Variants in NIT2 observed in about 807,000 individuals in gnomAD.
NIT2 encodes nitrilase family member 2, also known as omega-amidase NIT2.
Under a neutral mutation model 42.7 loss-of-function variants are expected in NIT2, and 46 were observed. The ratio of observed to expected loss-of-function variants is 1.08; its 90% confidence interval spans 0.85 to 1.38. The LOEUF (loss-of-function observed/expected upper bound fraction) is 1.38. NIT2 is among the 40% of genes most tolerant of loss of function. The pLI, the probability that NIT2 is intolerant of heterozygous loss-of-function variation, is 0.00. For synonymous variants in NIT2, 123 were observed against 121.9 expected, an observed-to-expected ratio of 1.01 and a Z score of -0.06; for missense variants, 309 against 342.5, an observed-to-expected ratio of 0.90 and a Z score of 0.77.
chr3:100,347,721 G>C (rs1706231519), intron 6 of NIT2, among the ~76,000 whole-genome samples: 1 of 152,168 alleles, frequency 6.6e-6, no homozygotes, highest in Non-Finnish European at 1.5e-5. Context: ...CTTGACCCCA[G>C]CCAGTGTCCA....
rs775356114 is a variant in NIT2, at chr3:100,348,868, C to T, written c.571C>T (p.Leu191Phe). 1.2e-6 allele frequency: 2 copies of T among 1,613,912 alleles called. No homozygotes were observed. The highest frequency in any genetic ancestry group is 3.3e-5 in the Admixed American group (2 of 60,024). Reference protein sequence around the residue: ...LTTGPAHWELLQRSRAVDNQV... With the variant: ...LTTGPAHWELFQRSRAVDNQV... ...CACTGGACCAGCCCATTGGGAGTTA[C>T]TTCAGCGAAGCCGGTAAGAAAGGAA... is the stretch of plus-strand genomic sequence containing the variant. The change falls in exon 7 of 10, where the codon CTT becomes TTT. Residue 191 changes from leucine (L) to phenylalanine (F), a missense_variant. Leu to Phe is a conservative substitution (Grantham distance 22, BLOSUM62 0). Coordinates refer to ENST00000394140, the MANE Select transcript of NIT2 (RefSeq NM_020202.5).
At chr3:100,349,108 C>A in intron 7 of NIT2, 2 of 229,426 alleles carry the variant, frequency 8.7e-6, no homozygotes, top group Non-Finnish European at 1.7e-5. Context: ...GGAAACTGTA[C>A]TTTTTTTTTT....
intron 1 of NIT2, among the ~76,000 whole-genome samples, chr3:100,337,414 G>A (rs756287857): frequency 1.3e-5 from 2 of 152,140 alleles, no homozygotes; most frequent in Non-Finnish European, 2.9e-5. Flanking sequence ...ACAGGACATG[G>A]AAACAACACT....
rs1032362439 is a variant in NIT2, at chr3:100,348,117, C to A, written c.506-686C>A. On this transcript the variant is annotated intron_variant, in intron 6 of 9. Coordinates refer to ENST00000394140, the MANE Select transcript of NIT2 (RefSeq NM_020202.5). ...ATGTTGGCCAGGCTGGTCTCGAACT[C>A]CTGACCTCAGGTGATCTGCCCACCT... Among the ~76,000 whole-genome samples, 3 of 152,220 alleles carry A rather than the reference C, an allele frequency of 2.0e-5. No individual in the cohort carries two copies. In the South Asian group the frequency reaches 6.2e-4, roughly 32 times the overall value.
In NIT2 at chr3:100,361,577, C is replaced by T. The variant is rs1290952260; in HGVS notation, c.*6309C>T. On this transcript the variant is annotated 3_prime_UTR_variant, in exon 10 of 10. Coordinates refer to ENST00000394140, the MANE Select transcript of NIT2 (RefSeq NM_020202.5). ...GAGAAGGATCTATAGCTGTCAACTC[C>T]TAATATGATTTGTGCACTATCACCT... is the stretch of plus-strand genomic sequence containing the variant. The T allele has an allele frequency of 6.6e-6, 1 of 152,188 alleles. No individual in the cohort carries two copies. Among genetic ancestry groups the T allele is most frequent in the African/African-American group, 2.4e-5 (1 of 41,448 alleles). 9.4% of individuals were successfully genotyped at this position (152,188 alleles called of 1,614,324 possible).
At chr3:100,348,111 C>T (rs1167394749) in intron 6 of NIT2, among the ~76,000 whole-genome samples, 1 of 152,068 alleles carries the variant, frequency 6.6e-6, no homozygotes, top group Non-Finnish European at 1.5e-5. Flanking sequence ...AGGCTGGTCT[C>T]GAACTCCTGA....
At chr3:100,353,777 C>CTTT (rs397728358) in intron 8 of NIT2, among the ~76,000 whole-genome samples, 3 of 140,286 alleles carry the variant, frequency 2.1e-5, no homozygotes, top group South Asian at 2.2e-4. Context: ...TTTCTTTTTT[C>CTTT]TTTTTTTTTT....
At chr3:100,353,067 T>A (rs1706290402) in intron 8 of NIT2, among the ~76,000 whole-genome samples, 1 of 152,234 alleles carries the variant, frequency 6.6e-6, no homozygotes, top group African/African-American at 2.4e-5. Context: ...AGTCTACATT[T>A]GTACAGTTTA....
intron 4 of NIT2, among the ~76,000 whole-genome samples, chr3:100,342,519 C>CT (rs572093341): frequency 1.3e-3 from 180 of 137,902 alleles, no homozygotes; most frequent in African/African-American, 2.8e-3. Context: ...TACATCTTAG[C>CT]TTTTTTTTTT....
intron 3 of NIT2, among the ~76,000 whole-genome samples, chr3:100,340,424 A>G (rs191692556): frequency 6.6e-6 from 1 of 152,340 alleles, no homozygotes; most frequent in East Asian, 1.9e-4. Context: ...TAGAGGCCAC[A>G]TACATAAAGG....
chr3:100,339,229 GT>G (rs761947911), intron 2 of NIT2, 24 bp downstream of exon 2: 1 of 1,448,708 alleles, frequency 6.9e-7, no homozygotes, highest in Non-Finnish European at 9.7e-7. Context: ...CAGCCATTCT[GT>G]TCTAGCCACT....
intron 6 of NIT2, among the ~76,000 whole-genome samples, chr3:100,347,972 C>T (rs1307300379): frequency 2.0e-5 from 3 of 152,064 alleles, no homozygotes; most frequent in African/African-American, 7.2e-5. Context: ...CTCACTGCAA[C>T]TTCTGCTTCA....
intron 8 of NIT2, among the ~76,000 whole-genome samples, chr3:100,353,045 C>T (rs556018578): frequency 2.6e-5 from 4 of 152,338 alleles, no homozygotes; most frequent in Non-Finnish European, 4.4e-5. Flanking sequence ...TACGCTCATA[C>T]GCATTCCTTA....
intron 6 of NIT2, among the ~76,000 whole-genome samples, chr3:100,347,511 C>A (rs1706229356): frequency 6.6e-6 from 1 of 152,206 alleles, no homozygotes; most frequent in South Asian, 2.1e-4. Flanking sequence ...CTCACTGAAG[C>A]CTTGGTCTCC....
intron 6 of NIT2, among the ~76,000 whole-genome samples, chr3:100,348,235 T>C (rs1706237961): frequency 6.6e-6 from 1 of 152,222 alleles, no homozygotes; most frequent in Non-Finnish European, 1.5e-5. Flanking sequence ...TTCATGACGC[T>C]TCCTAGAAAA....
At chr3:100,346,344 G>A in intron 6 of NIT2, 89 bp downstream of exon 6, 1 of 1,144,198 alleles carries the variant, frequency 8.7e-7, no homozygotes, top group Non-Finnish European at 1.3e-6. Flanking sequence ...AGAAAAGCTG[G>A]GAGAGGGCTC....
chr3:100,354,981 A>G (rs1303492857), intron 9 of NIT2, among the ~76,000 whole-genome samples, 154 bp downstream of exon 9: 2 of 152,104 alleles, frequency 1.3e-5, no homozygotes, highest in African/African-American at 4.8e-5. Flanking sequence ...TCTCTGGCCA[A>G]TCCCTGGGGA....
At chr3:100,348,070 T>C (rs560368563) in intron 6 of NIT2, among the ~76,000 whole-genome samples, 2 of 152,260 alleles carry the variant, frequency 1.3e-5, no homozygotes, top group African/African-American at 4.8e-5. Context: ...TTTTGTATTT[T>C]TAATAGAGGT....
intron 4 of NIT2, among the ~76,000 whole-genome samples, chr3:100,341,534 A>G (rs995243392): frequency 5.9e-5 from 9 of 151,856 alleles, no homozygotes; most frequent in African/African-American, 1.7e-4. Flanking sequence ...ATGCCCAGCT[A>G]ATTTTTTGTA....
Sources: gnomAD v4.1 joint callset for allele counts (sites outside exome capture counted in the v4.1 genomes callset) on GRCh38, gnomAD v4.1.1 for gene constraint, MANE v1.5 for transcripts, NCBI Gene and HGNC (gene_info 2026-07-23, HGNC 2026-07-21) for gene names.